The following MNAT1 variants were observed in gnomAD, a reference collection of about 807,000 sequenced individuals.
MNAT1 encodes the protein CDK-activating kinase assembly factor MAT1.
Under a neutral mutation model 42.0 loss-of-function variants are expected in MNAT1, and 43 were observed. That is an observed-to-expected ratio of 1.02 (90% confidence interval 0.80 to 1.32). MNAT1 has a LOEUF of 1.32. Ranked by LOEUF, MNAT1 falls within the 40% of genes most tolerant of loss-of-function variation. The pLI is 0.00. For synonymous variants in MNAT1, 118 were observed against 120.0 expected (o/e 0.98, Z 0.11); for missense variants, 306 against 350.4 (o/e 0.87, Z 1.01).
chr14:60,953,781 G>C (rs985428734), intron 7 of MNAT1, among the ~76,000 whole-genome samples: 1 of 151,954 alleles, frequency 6.6e-6, no homozygotes, highest in African/African-American at 2.4e-5. Flanking sequence ...ACACCCTTGC[G>C]AACCCTTGTT....
chr14:60,801,778 A>G (rs1334530188), intron 3 of MNAT1, among the ~76,000 whole-genome samples: 3 of 152,208 alleles, frequency 2.0e-5, no homozygotes, highest in Non-Finnish European at 2.9e-5. Context: ...AGTTCCTCAA[A>G]TACTAAAAAC....
intron 7 of MNAT1, among the ~76,000 whole-genome samples, chr14:60,961,241 C>T (rs2139620815): frequency 6.6e-6 from 1 of 152,336 alleles, no homozygotes; most frequent in African/African-American, 2.4e-5. Flanking sequence ...GGATTACAGG[C>T]ATGAGCCACC....
intron 6 of MNAT1, 118 bp downstream of exon 6, chr14:60,818,965 C>G: frequency 2.5e-6 from 3 of 1,190,602 alleles, no homozygotes; most frequent in Non-Finnish European, 3.5e-6. Flanking sequence ...AGTGTCTGAT[C>G]TAGTTTTAGG....
intron 1 of MNAT1, among the ~76,000 whole-genome samples, chr14:60,788,694 G>A (rs903163204): frequency 1.3e-5 from 2 of 152,210 alleles, no homozygotes; most frequent in South Asian, 2.1e-4. Flanking sequence ...GCACTTTTAT[G>A]TTATGGAAAC....
chr14:60,943,695 C>T (rs2036220292), intron 7 of MNAT1, among the ~76,000 whole-genome samples: 2 of 151,948 alleles, frequency 1.3e-5, no homozygotes, highest in African/African-American at 4.8e-5. Context: ...TTTTGCCCTC[C>T]ATGTTGCTGG....
In MNAT1 at chr14:60,812,030, G is replaced by A. The variant is rs373266719; in HGVS notation, c.464G>A (p.Arg155Gln). 4.4e-5 allele frequency: 70 copies of A among 1,603,334 alleles called. 1 individual carries two copies. The highest frequency in any genetic ancestry group is 1.9e-4 in the African/African-American group (14 of 74,178). Residue 155 changes from arginine (R) to glutamine (Q), a missense_variant, in exon 5 of 8, where the codon CGA becomes CAA. By Grantham distance (43) the Arg-to-Gln change is conservative. Coordinates refer to ENST00000261245, the MANE Select transcript of MNAT1 (RefSeq NM_002431.4). ...CTGGAAGAAGCTTTAGAAGTGGAACGACAGGAAAATGAACAAAGAAGATTA... is the reference window on the plus strand; with the variant it reads ...CTGGAAGAAGCTTTAGAAGTGGAACAACAGGAAAATGAACAAAGAAGATTA... Reference protein sequence around the residue: ...EELEEALEVERQENEQRRLFI... With the variant: ...EELEEALEVEQQENEQRRLFI...
At chr14:60,786,845 A>T (rs2140318823) in intron 1 of MNAT1, among the ~76,000 whole-genome samples, 1 of 152,364 alleles carries the variant, frequency 6.6e-6, no homozygotes, top group East Asian at 1.9e-4. Flanking sequence ...AAGCATTTTA[A>T]TAATAGCCTT....
chr14:60,961,985 A>G (rs2036602395), intron 7 of MNAT1, among the ~76,000 whole-genome samples: 2 of 152,190 alleles, frequency 1.3e-5, no homozygotes, highest in South Asian at 4.1e-4. Flanking sequence ...TTTTTATAAT[A>G]TCTACTGAAT....
At chr14:60,795,151 A>G (rs1463508234) in intron 1 of MNAT1, among the ~76,000 whole-genome samples, 2 of 152,210 alleles carry the variant, frequency 1.3e-5, no homozygotes, top group African/African-American at 2.4e-5. Context: ...TTATCAAAAC[A>G]TTCGAATATT....
chr14:60,956,092 G>A (rs2036483292), intron 7 of MNAT1, among the ~76,000 whole-genome samples: 1 of 151,478 alleles, frequency 6.6e-6, no homozygotes. Flanking sequence ...TGTAATATCA[G>A]GTTATTTGAG....
chr14:60,846,601 C>G (rs1001378344), intron 6 of MNAT1, among the ~76,000 whole-genome samples: 3 of 152,122 alleles, frequency 2.0e-5, no homozygotes, highest in African/African-American at 7.2e-5. Flanking sequence ...GTTGTATTTT[C>G]ATATTCATAC....
chr14:60,814,901 A>T (rs2032663854), intron 5 of MNAT1, among the ~76,000 whole-genome samples: 1 of 152,120 alleles, frequency 6.6e-6, no homozygotes, highest in South Asian at 2.1e-4. Flanking sequence ...TGTATTTTAT[A>T]TTTTTGTAGC....
At chr14:60,861,135 A>G (rs2034085277) in intron 6 of MNAT1, among the ~76,000 whole-genome samples, 1 of 152,174 alleles carries the variant, frequency 6.6e-6, no homozygotes, top group African/African-American at 2.4e-5. Flanking sequence ...TATTATGAAT[A>G]TAGTTGGTTA....
intron 6 of MNAT1, among the ~76,000 whole-genome samples, chr14:60,863,862 TTAGTA>T (rs1473300076): frequency 2.0e-5 from 3 of 152,112 alleles, no homozygotes; most frequent in African/African-American, 7.2e-5. Flanking sequence ...AAAGGATTGA[TTAGTA>T]TAGTCAGCTT....
rs376415631 is a variant in MNAT1, at chr14:60,810,060, T to G, written c.420+1632T>G. The stretch of plus-strand genomic sequence containing the variant: ...TTCAGATTTCCTGTTTCTTCATAAT[T>G]TGGTCTTGGTAGGTTGTATGTTTCT... On this transcript the variant is annotated intron_variant, in intron 4 of 7. Coordinates refer to ENST00000261245, the MANE Select transcript of MNAT1 (RefSeq NM_002431.4). Among the ~76,000 whole-genome samples the G allele has an allele frequency of 3.9e-5, 6 of 152,250 alleles. No individual in the cohort carries two copies. The East Asian group carries it at 1.2e-3, about 29-fold the overall frequency.
At chr14:60,935,500 G>C (rs139631524) in intron 7 of MNAT1, among the ~76,000 whole-genome samples, 18 of 152,270 alleles carry the variant, frequency 1.2e-4, no homozygotes, top group African/African-American at 3.6e-4. Context: ...ATTACTTCCA[G>C]ATGTGTTGCT....
intron 1 of MNAT1, among the ~76,000 whole-genome samples, chr14:60,735,502 G>A (rs906210602): frequency 3.9e-5 from 6 of 152,176 alleles, no homozygotes; most frequent in African/African-American, 1.4e-4. Flanking sequence ...ATATAATAAT[G>A]GCTGGCATTT....
At chr14:60,938,783 A>G (rs922339098) in intron 7 of MNAT1, among the ~76,000 whole-genome samples, 1 of 152,028 alleles carries the variant, frequency 6.6e-6, no homozygotes, top group Non-Finnish European at 1.5e-5. Context: ...TTTTCTACTG[A>G]TTGGAATAGT....
chr14:60,899,689 T>C (rs2035032227), intron 7 of MNAT1, among the ~76,000 whole-genome samples: 1 of 152,230 alleles, frequency 6.6e-6, no homozygotes, highest in African/African-American at 2.4e-5. Context: ...ATTACTCTTA[T>C]TGGCAAAGCA....
Sources: allele counts gnomAD v4.1 joint callset (sites outside exome capture counted in the v4.1 genomes callset), GRCh38; gene constraint gnomAD v4.1.1; transcripts MANE v1.5; gene names NCBI Gene and HGNC (gene_info 2026-07-23, HGNC 2026-07-21).